DHRS3: variants seen among roughly 807,000 people sequenced by gnomAD.
DHRS3 encodes the protein dehydrogenase/reductase 3.
Under a neutral mutation model 27.2 loss-of-function variants are expected in DHRS3, and 14 were observed. The observed-to-expected ratio is 0.52, with a 90% CI of 0.34 to 0.81. DHRS3 has a LOEUF of 0.81. Among genes scored for constraint, DHRS3 ranks in the 30% least tolerant of loss-of-function variants. DHRS3 has a pLI of 0.01. For missense variants in DHRS3, 322 were observed against 406.2 expected (o/e 0.79, Z 1.78); for synonymous variants, 165 against 175.9 (o/e 0.94, Z 0.49).
intron 1 of DHRS3, chr1:12,616,785 A>C (rs1570408126): frequency 9.0e-7 from 1 of 1,115,780 alleles, no homozygotes; most frequent in African/African-American, 1.9e-5. Flanking sequence ...GAGTGCGCAC[A>C]CCCTGCACTC....
rs57968692 is a variant in DHRS3 at position 12,604,173 on chromosome 1, G to A, written c.195+12981C>T. On this transcript the variant is annotated intron_variant, in intron 1 of 5. Transcript: ENST00000616661. ...GAGAGTTCCTGCAACCCCCTCAGTT[G>A]CCACCTCCTTCGAGAAGTCTTCTAA... Among the ~76,000 whole-genome samples the A allele has an allele frequency of 2.1e-3, 324 of 152,310 alleles. 3 individuals are homozygous for A. The highest frequency in any genetic ancestry group is 7.4e-3 in the African/African-American group (306 of 41,558).
At chr1:12,572,237 G>A (rs918458181) in intron 5 of DHRS3, among the ~76,000 whole-genome samples, 2 of 152,062 alleles carry the variant, frequency 1.3e-5, no homozygotes, top group Middle Eastern at 3.4e-3. Context: ...GCACGATCTC[G>A]GCTCACTGCA....
chr1:12,571,697 A>T (rs539306634), intron 5 of DHRS3, among the ~76,000 whole-genome samples: 45 of 151,228 alleles, frequency 3.0e-4, no homozygotes, highest in African/African-American at 1.1e-3. Flanking sequence ...CACCCAGCTA[A>T]TTTTTTTTGT....
chr1:12,579,225 C>T, intron 3 of DHRS3, 68 bp downstream of exon 3: 3 of 1,611,788 alleles, frequency 1.9e-6, no homozygotes, highest in East Asian at 2.2e-5. Context: ...GCAAATCATC[C>T]CCTCCCCTCC....
intron 3 of DHRS3, 110 bp from the exon 4 acceptor site, chr1:12,579,066 G>C: frequency 8.0e-7 from 1 of 1,256,880 alleles, no homozygotes; most frequent in Non-Finnish European, 1.1e-6. Context: ...TCTAGGGCCC[G>C]AGCCTTCCTG....
chr1:12,590,961 A>G (rs1646740817), intron 1 of DHRS3, among the ~76,000 whole-genome samples: 1 of 152,054 alleles, frequency 6.6e-6, no homozygotes, highest in Non-Finnish European at 1.5e-5. Flanking sequence ...ACTCTACACA[A>G]TCCAGTCTGC....
intron 1 of DHRS3, among the ~76,000 whole-genome samples, chr1:12,613,195 C>T (rs540585584): frequency 5.9e-5 from 9 of 152,254 alleles, no homozygotes; most frequent in East Asian, 3.9e-4. Flanking sequence ...GAAGAGATGA[C>T]GAAGGATCTT....
At chr1:12,583,655 C>G (rs1382229906) in intron 1 of DHRS3, among the ~76,000 whole-genome samples, 4 of 150,528 alleles carry the variant, frequency 2.7e-5, no homozygotes. Context: ...TACCCCACTC[C>G]ATCCATCCAT....
intron 1 of DHRS3, among the ~76,000 whole-genome samples, chr1:12,607,406 T>C (rs1422936873): frequency 6.6e-6 from 1 of 152,210 alleles, no homozygotes; most frequent in Non-Finnish European, 1.5e-5. Context: ...AGTAGTTTCC[T>C]CTATGCTGTT....
At chr1:12,602,086 G>T (rs745446501) in intron 1 of DHRS3, among the ~76,000 whole-genome samples, 1 of 152,220 alleles carries the variant, frequency 6.6e-6, no homozygotes, top group African/African-American at 2.4e-5. Flanking sequence ...GCCACAAAGC[G>T]TGGTGAGTTG....
chr1:12,581,101 A>G (rs898954079), intron 1 of DHRS3, among the ~76,000 whole-genome samples: 1 of 152,212 alleles, frequency 6.6e-6, no homozygotes, highest in Admixed American at 6.5e-5. Context: ...TGCTGGGATT[A>G]CAGGTATGAG....
chr1:12,571,498 G>A (rs80147918), intron 5 of DHRS3, among the ~76,000 whole-genome samples: 9,023 of 151,556 alleles, frequency 0.06, 406 homozygotes, highest in East Asian at 0.19. Flanking sequence ...TGGGGTACCC[G>A]GGATCTCTTC....
rs1054916995 is a variant in DHRS3, at chr1:12,567,917, A to G, written c.*423T>C. 3.1e-5 allele frequency: 5 copies of G among 163,862 alleles called. No homozygotes were observed. Among genetic ancestry groups the G allele is most frequent in the African/African-American group, 1.2e-4 (5 of 41,674 alleles). The allele number at this position is 163,862 out of a possible 1,614,324, so 10.2% of individuals were successfully genotyped here. ...AGATTTGAACAAAGGAAATCACAAAAGCCATCTCTCTTTATTTTTCATTCC... is the reference window on the plus strand; with the variant it reads ...AGATTTGAACAAAGGAAATCACAAAGGCCATCTCTCTTTATTTTTCATTCC... On this transcript the variant is annotated 3_prime_UTR_variant, in exon 6 of 6. Transcript: ENST00000616661.
rs1646955882 is a variant in DHRS3 at position 12,617,815 on chromosome 1, A to AAAAG, written c.-468_-467insCTTT. ...AAAAAAAAAAAAAAAAAAAAAAAAA[A>AAAAG]GCTGATTCCAAATTGTAGCGCCCCC... On this transcript the variant is annotated 5_prime_UTR_variant, in exon 1 of 6. Coordinates refer to ENST00000616661, the MANE Select transcript of DHRS3 (RefSeq NM_004753.7). The AAAAG allele has an allele frequency of 9.2e-6, 1 of 108,110 alleles. No homozygotes were observed. The highest frequency in any genetic ancestry group is 2.5e-4 in the East Asian group (1 of 4,028). The allele number at this position is 108,110 out of a possible 1,614,324, so 6.7% of individuals were successfully genotyped here.
chr1:12,614,091 G>A (rs1032379037), intron 1 of DHRS3, among the ~76,000 whole-genome samples: 2 of 152,138 alleles, frequency 1.3e-5, no homozygotes, highest in South Asian at 2.1e-4. Flanking sequence ...AGTTCCTGAC[G>A]TGGTATTAGG....
intron 1 of DHRS3, among the ~76,000 whole-genome samples, chr1:12,590,277 A>C (rs554816691): frequency 1.3e-5 from 2 of 152,042 alleles, no homozygotes; most frequent in Non-Finnish European, 2.9e-5. Context: ...TGCCCCAGTC[A>C]CCCAGAGTGG....
At chr1:12,614,594 A>G (rs1646931791) in intron 1 of DHRS3, among the ~76,000 whole-genome samples, 1 of 151,092 alleles carries the variant, frequency 6.6e-6, no homozygotes, top group Non-Finnish European at 1.5e-5. Context: ...GCCAAATCCT[A>G]TTTAACTCAA....
At chr1:12,600,564 G>A (rs944516118) in intron 1 of DHRS3, among the ~76,000 whole-genome samples, 3 of 152,200 alleles carry the variant, frequency 2.0e-5, no homozygotes, top group Non-Finnish European at 4.4e-5. Context: ...GCCCTTTACA[G>A]TCACACTGGC....
At chr1:12,616,467 A>C in intron 1 of DHRS3, 2 of 797,148 alleles carry the variant, frequency 2.5e-6, no homozygotes, top group Non-Finnish European at 3.0e-6. Flanking sequence ...ACCACCTTCC[A>C]GCTAAATGGG....
Sources: allele counts gnomAD v4.1 joint callset (sites outside exome capture counted in the v4.1 genomes callset), GRCh38; gene constraint gnomAD v4.1.1; transcripts MANE v1.5; gene names NCBI Gene and HGNC (gene_info 2026-07-23, HGNC 2026-07-21).